SPAG16: variants seen among roughly 807,000 people sequenced by gnomAD.
The protein encoded by SPAG16 is sperm associated antigen 16, also known as sperm-associated antigen 16 protein.
Under a neutral mutation model 80.4 loss-of-function variants are expected in SPAG16, and 86 were observed. The ratio of observed to expected loss-of-function variants is 1.07; its 90% CI spans 0.90 to 1.28. SPAG16 has a LOEUF of 1.28. Among genes scored for constraint, SPAG16 ranks in the 50% most tolerant of loss-of-function variants. SPAG16 has a pLI of 0.00. For synonymous variants in SPAG16, 294 were observed against 265.9 expected (o/e 1.11, Z -1.03); for missense variants, 870 against 765.3 (o/e 1.14, Z -1.61).
At chr2:214,139,261 A>AT (rs2055223655) in intron 14 of SPAG16, among the ~76,000 whole-genome samples, 1 of 152,102 alleles carries the variant, frequency 6.6e-6, no homozygotes, top group Non-Finnish European at 1.5e-5. Flanking sequence ...AACAGTGAAC[A>AT]TTAAGTCCTT....
chr2:213,996,657 C>T (rs780115555), intron 12 of SPAG16, among the ~76,000 whole-genome samples: 1 of 151,194 alleles, frequency 6.6e-6, no homozygotes, highest in African/African-American at 2.4e-5. Context: ...CAACCTCTGC[C>T]TCTCAGGTTC....
intron 10 of SPAG16, among the ~76,000 whole-genome samples, chr2:213,557,879 A>G (rs561429267): frequency 2.6e-5 from 4 of 152,236 alleles, no homozygotes; most frequent in Non-Finnish European, 5.9e-5. Flanking sequence ...ATGTGATTAT[A>G]TATTTGCAGC....
intron 10 of SPAG16, among the ~76,000 whole-genome samples, chr2:213,618,708 GTT>G (rs144453191): frequency 0.075 from 10,483 of 140,116 alleles, 1,199 homozygotes; most frequent in African/African-American, 0.25. Context: ...GAGGATTTCT[GTT>G]TTTTTTTTTT....
chr2:214,376,175 G>A (rs1700118713), intron 15 of SPAG16, among the ~76,000 whole-genome samples: 1 of 152,024 alleles, frequency 6.6e-6, no homozygotes, highest in Non-Finnish European at 1.5e-5. Flanking sequence ...AATAGAAGCC[G>A]ATAGTGGAAC....
At position 214,030,550 on chromosome 2, in the gene SPAG16, A is replaced by G. The variant is rs1013532054; in HGVS notation, c.1527+16473A>G. Among the ~76,000 whole-genome samples, 10 of 152,300 alleles carry G rather than the reference A, an allele frequency of 6.6e-5. No individual in the cohort carries two copies. In the South Asian group the frequency reaches 8.3e-4, roughly 13 times the overall value. ...AAAGAGGTCCTGGATTTTTAGTGCC[A>G]TAGTTAGAAATTTGAGGTCCATCTG... On this transcript the variant is annotated intron_variant, in intron 13 of 15. Coordinates refer to ENST00000331683, the MANE Select transcript of SPAG16 (RefSeq NM_024532.5).
At chr2:214,235,350 C>G (rs1264943779) in intron 15 of SPAG16, among the ~76,000 whole-genome samples, 1 of 151,984 alleles carries the variant, frequency 6.6e-6, no homozygotes, top group East Asian at 1.9e-4. Flanking sequence ...ATAAATAATG[C>G]CCCATAGCTT....
intron 9 of SPAG16, among the ~76,000 whole-genome samples, chr2:213,459,150 G>A (rs2072214043): frequency 6.6e-6 from 1 of 151,942 alleles, no homozygotes; most frequent in Non-Finnish European, 1.5e-5. Context: ...CTTTGGATTA[G>A]TCTTCCAGTT....
At chr2:214,271,278 G>A (rs1270154529) in intron 15 of SPAG16, among the ~76,000 whole-genome samples, 1 of 152,054 alleles carries the variant, frequency 6.6e-6, no homozygotes, top group East Asian at 1.9e-4. Context: ...TTTTAGCTTT[G>A]TTTTTATTCA....
At chr2:214,190,026 T>G (rs954132346) in intron 15 of SPAG16, among the ~76,000 whole-genome samples, 1 of 152,088 alleles carries the variant, frequency 6.6e-6, no homozygotes, top group Non-Finnish European at 1.5e-5. Flanking sequence ...TATCTTCCAG[T>G]TTCCTGTTTT....
chr2:213,329,543 C>T (rs955051085), intron 5 of SPAG16, among the ~76,000 whole-genome samples: 1 of 152,128 alleles, frequency 6.6e-6, no homozygotes, highest in Non-Finnish European at 1.5e-5. Flanking sequence ...AATTGCTAAG[C>T]ATCAAAGCGT....
At chr2:213,994,939 C>T (rs772197429) in intron 12 of SPAG16, among the ~76,000 whole-genome samples, 35 of 151,976 alleles carry the variant, frequency 2.3e-4, no homozygotes, top group Non-Finnish European at 4.3e-4. Context: ...TTCTAAGATC[C>T]CTGCAACTGG....
chr2:213,339,673 A>C (rs544516892), intron 5 of SPAG16, among the ~76,000 whole-genome samples: 1 of 152,154 alleles, frequency 6.6e-6, no homozygotes, highest in African/African-American at 2.4e-5. Context: ...ATACCATGAA[A>C]TCTTGGTTTT....
At chr2:214,203,134 G>A (rs1219670302) in intron 15 of SPAG16, among the ~76,000 whole-genome samples, 3 of 152,114 alleles carry the variant, frequency 2.0e-5, no homozygotes, top group Admixed American at 1.3e-4. Flanking sequence ...TTCTATATCT[G>A]TGAGAGATTT....
chr2:213,849,079 A>G (rs945992964), intron 10 of SPAG16, among the ~76,000 whole-genome samples: 4 of 152,110 alleles, frequency 2.6e-5, no homozygotes, highest in Admixed American at 2.0e-4. Flanking sequence ...ACAATTCTGG[A>G]TGGTTGGAAA....
intron 10 of SPAG16, among the ~76,000 whole-genome samples, chr2:213,504,893 A>T (rs1367528053): frequency 6.6e-6 from 1 of 152,224 alleles, no homozygotes. Flanking sequence ...CCTGCCTGTC[A>T]GTGTGCCACA....
intron 15 of SPAG16, among the ~76,000 whole-genome samples, chr2:214,389,857 T>G (rs1212180938): frequency 6.6e-6 from 1 of 152,202 alleles, no homozygotes; most frequent in African/African-American, 2.4e-5. Context: ...TTCCATCATA[T>G]CATTGACATT....
intron 9 of SPAG16, among the ~76,000 whole-genome samples, chr2:213,481,158 G>T (rs575221850): frequency 1.3e-5 from 2 of 152,248 alleles, no homozygotes; most frequent in South Asian, 4.1e-4. Context: ...GTTTTGTAGA[G>T]ATTACAGAAT....
chr2:214,149,077 G>GTGTGTATATA lies in SPAG16; in HGVS notation c.1594-62_1594-61insGTGTATATAT, dbSNP rs879196704. 1.3e-3 allele frequency: 324 copies of GTGTGTATATA among 240,196 alleles called. 2 individuals carry two copies. The highest frequency in any genetic ancestry group is 7.4e-3 in the African/African-American group (279 of 37,618). 14.9% of individuals were successfully genotyped at this position (240,196 alleles called of 1,614,324 possible). Reference sequence around the variant, plus strand: ...TGTATATATATATGTGTGTGTGTGTGTATATATATATATATATATACATAC... The same window carrying GTGTGTATATA: ...TGTATATATATATGTGTGTGTGTGTGTGTGTATATATATATATATATATATATATACATAC... On this transcript the variant is annotated intron_variant, in intron 14 of 15. Coordinates refer to ENST00000331683, the MANE Select transcript of SPAG16 (RefSeq NM_024532.5).
intron 12 of SPAG16, among the ~76,000 whole-genome samples, chr2:213,963,738 T>C (rs1040622219): frequency 6.6e-6 from 1 of 152,168 alleles, no homozygotes; most frequent in African/African-American, 2.4e-5. Flanking sequence ...TGTTATATTG[T>C]ACTGATGAAT....
Sources: gnomAD v4.1 joint callset for allele counts (sites outside exome capture counted in the v4.1 genomes callset) on GRCh38, gnomAD v4.1.1 for gene constraint, MANE v1.5 for transcripts, NCBI Gene and HGNC (gene_info 2026-07-23, HGNC 2026-07-21) for gene names.